The following LTK variants were observed in gnomAD, a reference collection of about 807,000 sequenced individuals.
LTK encodes leukocyte receptor tyrosine kinase.
In LTK, 117 loss-of-function variants were observed where a neutral mutation model predicts 101.5. That is an observed-to-expected ratio of 1.15 (90% CI 0.99 to 1.34). The LOEUF is 1.34. Ranked by LOEUF, LTK falls within the 40% of genes most tolerant of loss-of-function variation. LTK has a pLI of 0.00. For synonymous variants in LTK, 563 were observed against 494.2 expected (o/e 1.14, Z -1.85); for missense variants, 1,252 against 1,164.7 (o/e 1.07, Z -1.09).
intron 7 of LTK, among the ~76,000 whole-genome samples, chr15:41,510,360 C>T (rs1342353279): frequency 1.3e-5 from 2 of 152,120 alleles, no homozygotes; most frequent in Admixed American, 6.5e-5. Flanking sequence ...CCATGTAGTA[C>T]AGTAGATTCT....
In LTK at chr15:41,505,714, T is replaced by C. The variant is rs1371366916; in HGVS notation, c.1696A>G (p.Ser566Gly). The stretch of plus-strand genomic sequence containing the variant: ...CCCTGCCCCTGGTCCCAGGTGCACC[T>C]GATGATGAGGGCCTCCATGAGGAAA... ...LDFLMEALIISKFRHQNIVRC... is the reference protein window; with the variant it reads ...LDFLMEALIIGKFRHQNIVRC... Residue 566 changes from serine to glycine, a missense_variant and splice_region_variant, in exon 13 of 20, where the codon AGC (serine) becomes GGC (glycine). Coordinates refer to ENST00000263800, the MANE Select transcript of LTK (RefSeq NM_002344.6). The C allele has an allele frequency of 1.2e-6, 2 of 1,613,722 alleles. No individual in the cohort carries two copies. Among genetic ancestry groups the C allele is most frequent in the Admixed American group, 3.3e-5 (2 of 60,004 alleles).
In LTK at chr15:41,512,110, C is replaced by G; in HGVS notation, c.510+5G>C. The G allele has an allele frequency of 2.5e-6, 4 of 1,596,364 alleles. No individual in the cohort carries two copies. The highest frequency in any genetic ancestry group is 3.4e-6 in the Non-Finnish European group (4 of 1,171,450). ...CGCCGCCCCATCCCCACTGGCTGCG[C>G]TCACTCCGGGACAGGCGTCCTCTCC... On this transcript the variant is annotated splice_donor_5th_base_variant and intron_variant, in intron 4 of 19. Coordinates refer to ENST00000263800, the MANE Select transcript of LTK (RefSeq NM_002344.6).
chr15:41,512,269 C>T lies in LTK; in HGVS notation c.360-4G>A, dbSNP rs764707011. 6.2e-7 allele frequency: 1 copy of T among 1,610,142 alleles called. No homozygotes were observed. Among genetic ancestry groups the T allele is most frequent in the Non-Finnish European group, 8.5e-7 (1 of 1,178,374 alleles). On this transcript the variant is annotated splice_region_variant and splice_polypyrimidine_tract_variant and intron_variant, in intron 3 of 19. Coordinates refer to ENST00000263800, the MANE Select transcript of LTK (RefSeq NM_002344.6). The stretch of plus-strand genomic sequence containing the variant: ...CGCGGCTCCGTAGGCTGAGATCCTG[C>T]GGGGAACGGACGGTGAGTCCCCGGC...
In LTK at chr15:41,513,805, G is replaced by A; in HGVS notation, c.-96C>T. 9.0e-7 allele frequency: 1 copy of A among 1,116,150 alleles called. No individual in the cohort carries two copies. The highest frequency in any genetic ancestry group is 1.4e-6 in the Non-Finnish European group (1 of 731,132). The allele number at this position is 1,116,150 out of a possible 1,614,324, so 69.1% of individuals were successfully genotyped here. A position where few individuals can be genotyped will look rare whatever the true frequency, so the allele number is the denominator to read the frequency against. On this transcript the variant is annotated 5_prime_UTR_variant, in exon 1 of 20. Transcript: ENST00000263800. ...AGCTCATTTTGCCACGGCAGCCCTG[G>A]CCACCACTTACAGGGGTGTGCTGCC...
intron 10 of LTK, 131 bp from the exon 11 acceptor site, chr15:41,507,421 T>C: frequency 1.3e-6 from 2 of 1,527,138 alleles, no homozygotes; most frequent in Non-Finnish European, 1.8e-6. Context: ...CTCCTTCCTA[T>C]CTTAGAATCC....
rs2051330786 is a variant in LTK at position 41,507,638 on chromosome 15, G to A, written c.1269C>T (p.Gly423=). The A allele has an allele frequency of 6.2e-7, 1 of 1,613,726 alleles. No individual in the cohort carries two copies. Among genetic ancestry groups the A allele is most frequent in the Non-Finnish European group, 8.5e-7 (1 of 1,179,904 alleles). Residue 423 remains glycine, a synonymous_variant, in exon 10 of 20, where the codon GGC becomes GGT. Coordinates refer to ENST00000263800, the MANE Select transcript of LTK (RefSeq NM_002344.6). ...CCACAGCCACCATCAGAACCAGAGG[G>A]CCTGGGGGCTTGTGCAGGTCTAGGG... is the stretch of plus-strand genomic sequence containing the variant. ...VTCMDLHKPP[G]PLVLMVAVVA... is the part of the protein sequence containing the mutation.
rs751948132 is a variant in LTK, at chr15:41,507,093, A to AC, written c.1541+1dup. The AC allele has an allele frequency of 3.1e-6, 5 of 1,612,258 alleles. No homozygotes were observed. In the South Asian group the frequency reaches 5.5e-5, roughly 18 times the overall value. ...GTTCTCAGAAGGAGGCAGAAGACTT[A>AC]CCTGAGCAGAGTAACATTGGCTGGG... On this transcript the variant is annotated splice_donor_variant, in intron 11 of 19. Coordinates refer to ENST00000263800, the MANE Select transcript of LTK (RefSeq NM_002344.6). LOFTEE classifies it high-confidence loss of function.
chr15:41,505,200 C>T lies in LTK; in HGVS notation c.1925+8G>A. 1 of 1,613,572 alleles carries T rather than the reference C, an allele frequency of 6.2e-7. No homozygotes were observed. Among genetic ancestry groups the T allele is most frequent in the Non-Finnish European group, 8.5e-7 (1 of 1,179,674 alleles). On this transcript the variant is annotated splice_region_variant and intron_variant, in intron 15 of 19. Transcript: ENST00000263800. Reference sequence around the variant, plus strand: ...ATGGGGGTCCCCTGAGCCAGGACTGCTCCTAACCTGTGGATGAAGTGATTT... The same window carrying T: ...ATGGGGGTCCCCTGAGCCAGGACTGTTCCTAACCTGTGGATGAAGTGATTT...
rs2051459241 is a variant in LTK at position 41,511,483 on chromosome 15, G to A, written c.753C>T (p.Ser251=). ...CCGAGCGGTTCTCCAGTTTCTCGGG[G>A]GAGGCCTGAGTCCGGCCTCGGTCCC... ...RPRDRGRTQA[S]PEKLENRSEA... is the part of the protein sequence containing the mutation. Residue 251 remains serine, a synonymous_variant, in exon 6 of 20, where the codon TCC becomes TCT. Coordinates refer to ENST00000263800, the MANE Select transcript of LTK (RefSeq NM_002344.6). The surrounding 1 kb of genome is among the most constrained non-coding windows in gnomAD (Gnocchi z 5.9). 7 of 1,469,612 alleles carry A rather than the reference G, an allele frequency of 4.8e-6. No homozygotes were observed. Among genetic ancestry groups the A allele is most frequent in the African/African-American group, 1.5e-5 (1 of 67,666 alleles). 91.0% of individuals were successfully genotyped at this position (1,469,612 alleles called of 1,614,324 possible). A position where few individuals can be genotyped will look rare whatever the true frequency, so the allele number is the denominator to read the frequency against.
Position 41,506,020 on chromosome 15 carries a change from G to A in LTK, c.1542-15C>T, listed in dbSNP as rs372290629. On this transcript the variant is annotated splice_polypyrimidine_tract_variant and intron_variant, in intron 11 of 19. Coordinates refer to ENST00000263800, the MANE Select transcript of LTK (RefSeq NM_002344.6). ...GGCCCAGGGCTCTGCAGGAAGACACGTTGGAAGGGAGTGGGCAGGCGGCCT... is the reference window on the plus strand; with the variant it reads ...GGCCCAGGGCTCTGCAGGAAGACACATTGGAAGGGAGTGGGCAGGCGGCCT... 124 of 1,592,810 alleles carry A rather than the reference G, an allele frequency of 7.8e-5. No individual in the cohort carries two copies. Among genetic ancestry groups the A allele is most frequent in the Middle Eastern group, 1.7e-4 (1 of 6,040 alleles).
rs1239058569 is a variant in LTK at position 41,513,711 on chromosome 15, C to G, written c.-2G>C. On this transcript the variant is annotated 5_prime_UTR_variant, in exon 1 of 20. Coordinates refer to ENST00000263800, the MANE Select transcript of LTK (RefSeq NM_002344.6). The stretch of plus-strand genomic sequence containing the variant: ...CAGCAGCTGTCCCCAGCAGCCCATC[C>G]CTGTTGGGTCCACCCGGCAACAAAA... 6.2e-7 allele frequency: 1 copy of G among 1,610,556 alleles called. No individual in the cohort carries two copies. The highest frequency in any genetic ancestry group is 1.3e-5 in the African/African-American group (1 of 74,492).
chr15:41,505,846 C>G, intron 12 of LTK, 69 bp from the exon 13 acceptor site: 1 of 1,601,422 alleles, frequency 6.2e-7, no homozygotes, highest in East Asian at 2.2e-5. Flanking sequence ...AACCCTAGCT[C>G]TAGTCATTGT....
intron 2 of LTK, 22 bp downstream of exon 2, chr15:41,512,955 G>C (rs755232058): frequency 6.8e-6 from 11 of 1,613,228 alleles, no homozygotes; most frequent in African/African-American, 1.3e-5. Context: ...AGCGAAAGAG[G>C]AAGGAGGCGT....
chr15:41,508,032 C>A (rs1190252111), intron 9 of LTK, 37 bp downstream of exon 9: 1 of 1,549,688 alleles, frequency 6.5e-7, no homozygotes, highest in Non-Finnish European at 8.7e-7. Context: ...AGTCTGTGAC[C>A]CCAGGAGTCC....
chr15:41,512,397 G>A, intron 3 of LTK, 132 bp from the exon 4 acceptor site: 1 of 975,386 alleles, frequency 1.0e-6, no homozygotes, highest in Non-Finnish European at 1.5e-6. Context: ...CGACTCTGAC[G>A]GGATGGGAAG....
chr15:41,504,257 A>G lies in LTK; in HGVS notation c.2347-13T>C, dbSNP rs1315455844. On this transcript the variant is annotated splice_polypyrimidine_tract_variant and intron_variant, in intron 19 of 19. Coordinates refer to ENST00000263800, the MANE Select transcript of LTK (RefSeq NM_002344.6). ...GCACATCCGGGTCCTGTAATGGAAGAGTCAGGGAGCAGGGGGGCATAGAGT... is the reference window on the plus strand; with the variant it reads ...GCACATCCGGGTCCTGTAATGGAAGGGTCAGGGAGCAGGGGGGCATAGAGT... 1 of 1,606,886 alleles carries G rather than the reference A, an allele frequency of 6.2e-7. No homozygotes were observed. The highest frequency in any genetic ancestry group is 8.5e-7 in the Non-Finnish European group (1 of 1,174,856).
chr15:41,504,598 G>A lies in LTK; in HGVS notation c.2163C>T (p.Tyr721=), dbSNP rs2051190498. ...VLLWEIFSLG[Y]MPYPGRTNQE... ...GGTTGGTGCGCCCAGGATAGGGCAT[G>A]TAGCCCAGTGAGAAGATCTCCCAGA... The change falls in exon 18 of 20, where the codon TAC becomes TAT. Residue 721 remains tyrosine, a synonymous_variant. Transcript: ENST00000263800. 1 of 1,613,750 alleles carries A rather than the reference G, an allele frequency of 6.2e-7. No homozygotes were observed.
Position 41,505,772 on chromosome 15 carries a change from C to A in LTK, c.1638G>T (p.Leu546=), listed in dbSNP as rs763970212. The A allele has an allele frequency of 1.9e-6, 3 of 1,613,842 alleles. No individual in the cohort carries two copies. The South Asian group carries it at 3.3e-5, about 18-fold the overall frequency. The change falls in exon 13 of 20, where the codon CTG becomes CTT. Residue 546 remains leucine, a synonymous_variant. Transcript: ENST00000263800. ...CATCCTGAGGCGAGCAGAGTTCTGG[C>A]AGGGTCTGGGGAGGAAAAGGGCACA... The part of the protein sequence containing the change: ...SSPLQVAIKT[L]PELCSPQDEL...
At chr15:41,504,717 G>C in intron 17 of LTK, 56 bp downstream of exon 17, 1 of 1,601,302 alleles carries the variant, frequency 6.2e-7, no homozygotes. Context: ...GGAAAGGACA[G>C]GATTAGCCTC....
Sources: allele counts gnomAD v4.1 joint callset (sites outside exome capture counted in the v4.1 genomes callset), GRCh38; gene constraint gnomAD v4.1.1; non-coding constraint Gnocchi (gnomAD v3.1); transcripts MANE v1.5; gene names NCBI Gene and HGNC (gene_info 2026-07-23, HGNC 2026-07-21).